The following FBLN5 variants were observed in gnomAD, a reference collection of about 807,000 sequenced individuals.
FBLN5 encodes the protein fibulin-5.
Under a neutral mutation model 61.6 loss-of-function variants are expected in FBLN5, and 24 were observed. That is an observed-to-expected ratio of 0.39 (90% confidence interval 0.28 to 0.55). The LOEUF is 0.55. Ranked by LOEUF, FBLN5 falls within the 20% of genes least tolerant of loss-of-function variation. FBLN5 has a pLI of 0.65. For missense variants in FBLN5, 470 were observed against 594.1 expected (o/e 0.79, Z 2.17); for synonymous variants, 213 against 219.8 (o/e 0.97, Z 0.27).
chr14:91,906,409 G>C lies in FBLN5; in HGVS notation c.380-11337C>G, dbSNP rs10152046. On this transcript the variant is annotated intron_variant, in intron 4 of 10. Coordinates refer to ENST00000342058, the MANE Select transcript of FBLN5 (RefSeq NM_006329.4). ...TGGGACCATAGAGGTGAGGGAGAGG[G>C]AGCAAGAGAGAAAGAGCCCTGAAAC... Among the ~76,000 whole-genome samples the C allele has an allele frequency of 2.9e-3, 447 of 152,244 alleles. 2 individuals carry two copies. Among genetic ancestry groups the C allele is most frequent in the African/African-American group, 0.01 (427 of 41,532 alleles).
intron 6 of FBLN5, among the ~76,000 whole-genome samples, chr14:91,887,771 T>C (rs1038855964): frequency 6.6e-6 from 1 of 152,094 alleles, no homozygotes; most frequent in Admixed American, 6.5e-5. Flanking sequence ...ATAAATAACT[T>C]TGCTCATTAG....
Position 91,881,389 on chromosome 14 carries a change from T to C in FBLN5, c.892A>G (p.Thr298Ala). The C allele has an allele frequency of 6.2e-7, 1 of 1,614,176 alleles. No homozygotes were observed. The highest frequency in any genetic ancestry group is 8.5e-7 in the Non-Finnish European group (1 of 1,180,010). Residue 298 changes from threonine (T) to alanine (A), a missense_variant, in exon 9 of 11, where the codon ACG (threonine) becomes GCG (alanine). Transcript: ENST00000342058. ...TAGCACGTCTGCTGCAGGTTGCACG[T>C]GTGGTTCCTGTGCTCACATTCGTTG... ...DINECEHRNH[T>A]CNLQQTCYNL... is the part of the protein sequence containing the mutation.
chr14:91,939,590 C>T (rs1181550596), intron 3 of FBLN5, among the ~76,000 whole-genome samples: 1 of 152,198 alleles, frequency 6.6e-6, no homozygotes, highest in Non-Finnish European at 1.5e-5. Flanking sequence ...GATGCACTCG[C>T]CTCGGCCTCC....
chr14:91,936,136 AAC>A (rs1446070282), intron 4 of FBLN5, among the ~76,000 whole-genome samples: 4 of 152,274 alleles, frequency 2.6e-5, no homozygotes, highest in African/African-American at 9.6e-5. Context: ...TCTTGGGACA[AAC>A]AAAAATGGGA....
intron 4 of FBLN5, among the ~76,000 whole-genome samples, chr14:91,915,124 C>T (rs1324586444): frequency 6.6e-6 from 1 of 151,632 alleles, no homozygotes; most frequent in Non-Finnish European, 1.5e-5. Flanking sequence ...CGCACCACTG[C>T]ACTCCAGCCT....
rs752579463 is a variant in FBLN5, at chr14:91,882,979, C to T, written c.837G>A (p.Leu279=). 3.1e-6 allele frequency: 5 copies of T among 1,613,976 alleles called. No individual in the cohort carries two copies. The highest frequency in any genetic ancestry group is 3.3e-5 in the Admixed American group (2 of 60,016). ...CTTGGCAGCTTCGGTTGTCATCCAG[C>T]AGGATGTAGCCTGGAGGGCAGGAGC... is the stretch of plus-strand genomic sequence containing the variant. ...YFCSCPPGYI[L]LDDNRSCQDI... Residue 279 remains leucine (L), a synonymous_variant, in exon 8 of 11, where the codon CTG becomes CTA. Coordinates refer to ENST00000342058, the MANE Select transcript of FBLN5 (RefSeq NM_006329.4). The surrounding 1 kb of genome is among the most constrained non-coding windows in gnomAD (Gnocchi z 4.9).
At chr14:91,881,072 G>A (rs1889419816) in intron 9 of FBLN5, among the ~76,000 whole-genome samples, 1 of 151,846 alleles carries the variant, frequency 6.6e-6, no homozygotes, top group African/African-American at 2.4e-5. Context: ...AATGTACTCT[G>A]ATATTTTCTA....
chr14:91,882,589 G>A lies in FBLN5; in HGVS notation c.862+365C>T, dbSNP rs775879441. Among the ~76,000 whole-genome samples, 9 of 152,230 alleles carry A rather than the reference G, an allele frequency of 5.9e-5. No homozygotes were observed. Among genetic ancestry groups the A allele is most frequent in the South Asian group, 2.1e-4 (1 of 4,826 alleles). On this transcript the variant is annotated intron_variant, in intron 8 of 10. Coordinates refer to ENST00000342058, the MANE Select transcript of FBLN5 (RefSeq NM_006329.4). This position sits in a 1 kb window ranked among gnomAD's most constrained non-coding sequence, Gnocchi z 4.9. ...CCCTCCAGGCCACGTAAGAAAGCCC[G>A]GGCTCTGGCCAGGCCATAAAAGTCC...
intron 8 of FBLN5, among the ~76,000 whole-genome samples, chr14:91,881,874 T>C (rs537785863): frequency 1.3e-3 from 194 of 152,150 alleles, no homozygotes; most frequent in African/African-American, 4.4e-3. Flanking sequence ...ATTTTGGATA[T>C]ACTGCATTAA....
chr14:91,886,701 C>T (rs1889741491), intron 7 of FBLN5, among the ~76,000 whole-genome samples: 2 of 152,086 alleles, frequency 1.3e-5, no homozygotes, highest in Admixed American at 6.5e-5. Context: ...GAGTGAGGCA[C>T]TGATTATTTG....
chr14:91,890,085 C>T (rs1296311644), intron 6 of FBLN5, among the ~76,000 whole-genome samples: 1 of 152,218 alleles, frequency 6.6e-6, no homozygotes, highest in Non-Finnish European at 1.5e-5. Flanking sequence ...TATCCGCTTC[C>T]TCAACCTCCT....
chr14:91,895,098 A>G lies in FBLN5; in HGVS notation c.380-26T>C, dbSNP rs759875848. On this transcript the variant is annotated intron_variant, in intron 4 of 10. Transcript: ENST00000342058. ...CTGTAATACAGACATAGTCCAAAGA[A>G]TGTCACTCACATCCATCTAGAGCCC... The G allele has an allele frequency of 6.2e-6, 10 of 1,613,076 alleles. No homozygotes were observed. The Admixed American group carries it at 1.5e-4, about 24-fold the overall frequency.
intron 4 of FBLN5, among the ~76,000 whole-genome samples, chr14:91,904,648 G>A (rs541047395): frequency 2.0e-5 from 3 of 152,370 alleles, no homozygotes; most frequent in African/African-American, 7.2e-5. Flanking sequence ...TCTGGTGGGA[G>A]CCCTCACAGG....
At chr14:91,937,648 C>A (rs1226994686) in intron 3 of FBLN5, among the ~76,000 whole-genome samples, 2 of 152,142 alleles carry the variant, frequency 1.3e-5, no homozygotes, top group Admixed American at 6.5e-5. Context: ...GAGACCTCAG[C>A]TAGCAGCCCA....
chr14:91,912,269 T>C (rs535195877), intron 4 of FBLN5, among the ~76,000 whole-genome samples: 3 of 152,132 alleles, frequency 2.0e-5, no homozygotes, highest in Non-Finnish European at 4.4e-5. Flanking sequence ...GGTTAAGGTG[T>C]GAGGATCACG....
chr14:91,876,559 TAAG>T (rs996810763), intron 10 of FBLN5, among the ~76,000 whole-genome samples: 5 of 152,084 alleles, frequency 3.3e-5, no homozygotes, highest in Admixed American at 6.5e-5. Context: ...GGTGTTAATA[TAAG>T]AAGGAGACAA....
chr14:91,940,924 T>C (rs890276652), intron 2 of FBLN5, among the ~76,000 whole-genome samples: 5 of 151,368 alleles, frequency 3.3e-5, no homozygotes, highest in African/African-American at 1.2e-4. Flanking sequence ...CAAGACCCCA[T>C]CTCTGTGTTT....
Position 91,889,930 on chromosome 14 carries a change from T to C in FBLN5, c.619+1291A>G, listed in dbSNP as rs577946431. Among the ~76,000 whole-genome samples, 118 of 152,292 alleles carry C rather than the reference T, an allele frequency of 7.7e-4. 1 individual carries two copies. Among genetic ancestry groups the C allele is most frequent in the African/African-American group, 2.8e-3 (117 of 41,564 alleles). On this transcript the variant is annotated intron_variant, in intron 6 of 10. Coordinates refer to ENST00000342058, the MANE Select transcript of FBLN5 (RefSeq NM_006329.4). ...GGCATGGCTATGCCTCAGGAGGTAC[T>C]GGGGGCACGGTGCCAGCCTGTGGCT...
In FBLN5 at chr14:91,870,148, TTCTC is replaced by T. The variant is rs1414535758; in HGVS notation, c.*72_*75del. 9 of 1,448,332 alleles carry T rather than the reference TTCTC, an allele frequency of 6.2e-6. No homozygotes were observed. In the East Asian group the frequency reaches 1.6e-4, roughly 26 times the overall value. The allele number at this position is 1,448,332 out of a possible 1,614,324, so 89.7% of individuals were successfully genotyped here. On this transcript the variant is annotated 3_prime_UTR_variant, in exon 11 of 11. Coordinates refer to ENST00000342058, the MANE Select transcript of FBLN5 (RefSeq NM_006329.4). Reference sequence around the variant, plus strand: ...ATGCCTAACGTCTGTGTCGCTCTCATTCTCTCTGTTATTTCCTCTCTTCTCCTGT... The same window carrying T: ...ATGCCTAACGTCTGTGTCGCTCTCATTCTGTTATTTCCTCTCTTCTCCTGT...
Sources: gnomAD v4.1 joint callset for allele counts (sites outside exome capture counted in the v4.1 genomes callset) on GRCh38, gnomAD v4.1.1 for gene constraint, Gnocchi (gnomAD v3.1) non-coding constraint, MANE v1.5 for transcripts, NCBI Gene and HGNC (gene_info 2026-07-23, HGNC 2026-07-21) for gene names.